Variants in NRG1 observed in about 807,000 individuals in gnomAD.
NRG1 encodes pro-neuregulin-1, membrane-bound isoform.
Under a neutral mutation model 63.8 loss-of-function variants are expected in NRG1, and 18 were observed. That is an observed-to-expected ratio of 0.28 (90% CI 0.19 to 0.42). The LOEUF (loss-of-function observed/expected upper bound fraction) is 0.42. Among genes scored for constraint, NRG1 ranks in the 10% least tolerant of loss-of-function variants. The pLI, the probability that NRG1 is intolerant of heterozygous loss-of-function variation, is 1.00. For synonymous variants in NRG1, 302 were observed against 301.3 expected (o/e 1.00, Z -0.02); for missense variants, 762 against 814.7 (o/e 0.94, Z 0.79).
chr8:32,337,610 A>G (rs555851949), intron 1 of NRG1, among the ~76,000 whole-genome samples: 11 of 141,116 alleles, frequency 7.8e-5, no homozygotes, highest in Admixed American at 4.4e-4. Flanking sequence ...ATTCTGATTA[A>G]GAGAAAGACC....
chr8:32,050,420 T>C (rs1821794510), intron 1 of NRG1, among the ~76,000 whole-genome samples: 1 of 152,098 alleles, frequency 6.6e-6, no homozygotes, highest in Non-Finnish European at 1.5e-5. Context: ...CTTTTCATGA[T>C]AGAAAATTGA....
chr8:32,333,894 C>T (rs572753150), intron 1 of NRG1, among the ~76,000 whole-genome samples: 2 of 152,278 alleles, frequency 1.3e-5, no homozygotes, highest in Admixed American at 6.5e-5. Context: ...GACCACTATG[C>T]CTTGGTGTAT....
intron 5 of NRG1, among the ~76,000 whole-genome samples, chr8:32,710,344 A>G (rs1373252434): frequency 6.6e-6 from 1 of 152,136 alleles, no homozygotes; most frequent in Non-Finnish European, 1.5e-5. Flanking sequence ...TGTTGTGTAC[A>G]ATCAGCTTTT....
intron 1 of NRG1, among the ~76,000 whole-genome samples, chr8:32,439,694 T>C (rs564504904): frequency 8.1e-4 from 124 of 152,180 alleles, no homozygotes; most frequent in Admixed American, 1.6e-3. Flanking sequence ...AATTATGTCT[T>C]GAGTTTATAA....
At chr8:32,565,138 T>C (rs1837209553) in intron 1 of NRG1, among the ~76,000 whole-genome samples, 1 of 152,104 alleles carries the variant, frequency 6.6e-6, no homozygotes, top group Non-Finnish European at 1.5e-5. Context: ...CCATTCCCAT[T>C]CCCCTGTCAG....
intron 1 of NRG1, among the ~76,000 whole-genome samples, chr8:32,053,593 A>C (rs772487303): frequency 1.3e-5 from 2 of 152,218 alleles, no homozygotes; most frequent in Non-Finnish European, 2.9e-5. Flanking sequence ...GTTATCAAAC[A>C]TGTCAGCTAA....
At chr8:32,721,632 C>T (rs1820667879) in intron 5 of NRG1, 1 of 181,810 alleles carries the variant, frequency 5.5e-6, no homozygotes, top group Admixed American at 6.2e-5. Context: ...GTTCTTTGAT[C>T]TCCTCTGGCC....
rs1020390490 is a variant in NRG1, at chr8:32,054,510, C to T, written c.37+415079C>T. ...TTTAAGCTCCAAGGATACCCAAATG[C>T]GTATGTTAATCATGTGTTATTGTTA... On this transcript the variant is annotated intron_variant, in intron 1 of 10. Transcript: ENST00000519301. 7.9e-5 allele frequency among the ~76,000 whole-genome samples: 12 copies of T among 152,122 alleles called. No homozygotes were observed. In the East Asian group the frequency reaches 9.6e-4, roughly 12 times the overall value.
At chr8:32,687,028 G>T (rs1589207738) in intron 5 of NRG1, among the ~76,000 whole-genome samples, 1 of 152,088 alleles carries the variant, frequency 6.6e-6, no homozygotes. Flanking sequence ...TCCTGAATGG[G>T]TGCCAGATTG....
intron 1 of NRG1, among the ~76,000 whole-genome samples, chr8:31,679,813 CCA>C (rs1011984649): frequency 1.3e-5 from 2 of 151,746 alleles, no homozygotes; most frequent in Non-Finnish European, 2.9e-5. Context: ...AGTAACCATC[CCA>C]AAAAAATACA....
intron 5 of NRG1, among the ~76,000 whole-genome samples, chr8:32,637,834 G>A (rs1277331239): frequency 6.6e-6 from 1 of 152,134 alleles, no homozygotes; most frequent in African/African-American, 2.4e-5. Flanking sequence ...TAATAACAGA[G>A]TCCAAATATG....
intron 1 of NRG1, among the ~76,000 whole-genome samples, chr8:31,962,106 T>C (rs1021975956): frequency 2.6e-5 from 4 of 152,100 alleles, no homozygotes; most frequent in Non-Finnish European, 5.9e-5. Context: ...GAAATAACTA[T>C]CAGGAAATAA....
At chr8:32,287,770 T>C (rs530871802) in intron 1 of NRG1, among the ~76,000 whole-genome samples, 1 of 152,266 alleles carries the variant, frequency 6.6e-6, no homozygotes, top group Admixed American at 6.5e-5. Context: ...CCAGACTTGG[T>C]TCCCTTTCAA....
intron 1 of NRG1, among the ~76,000 whole-genome samples, chr8:32,239,229 G>A (rs1359890208): frequency 6.7e-6 from 1 of 149,340 alleles, no homozygotes; most frequent in African/African-American, 2.5e-5. Context: ...CTAACTTTGA[G>A]TTTTGACAAA....
At chr8:31,746,146 ACG>A (rs1815837656) in intron 1 of NRG1, among the ~76,000 whole-genome samples, 2 of 151,900 alleles carry the variant, frequency 1.3e-5, no homozygotes, top group Non-Finnish European at 2.9e-5. Flanking sequence ...AAAGAGGATG[ACG>A]GAGAATGCAT....
chr8:32,611,218 A>G (rs912100067), intron 3 of NRG1, among the ~76,000 whole-genome samples: 1 of 152,136 alleles, frequency 6.6e-6, no homozygotes, highest in Non-Finnish European at 1.5e-5. Flanking sequence ...CACAGGAGCA[A>G]TTGGGCTTGT....
chr8:32,588,597 A>G (rs747451465), intron 1 of NRG1, among the ~76,000 whole-genome samples: 36 of 152,192 alleles, frequency 2.4e-4, no homozygotes, highest in Non-Finnish European at 4.7e-4. Flanking sequence ...GAAACGTTCT[A>G]TGCATGTTAT....
At chr8:31,908,216 T>A (rs1832681062) in intron 1 of NRG1, among the ~76,000 whole-genome samples, 1 of 152,222 alleles carries the variant, frequency 6.6e-6, no homozygotes, top group Non-Finnish European at 1.5e-5. Context: ...GAAAAAAGAT[T>A]AAAATGTGAC....
At chr8:31,804,085 A>G (rs191588639) in intron 1 of NRG1, among the ~76,000 whole-genome samples, 37 of 152,264 alleles carry the variant, frequency 2.4e-4, no homozygotes, top group African/African-American at 8.2e-4. Context: ...GTCTTTTCCC[A>G]GTCTCCAACT....
Sources: gnomAD v4.1 joint callset for allele counts (sites outside exome capture counted in the v4.1 genomes callset) on GRCh38, gnomAD v4.1.1 for gene constraint, MANE v1.5 for transcripts, NCBI Gene and HGNC (gene_info 2026-07-23, HGNC 2026-07-21) for gene names.